The following TRIM33 variants were observed in gnomAD, a reference collection of about 807,000 sequenced individuals.
The protein encoded by TRIM33 is tripartite motif containing 33.
In TRIM33, 20 loss-of-function variants were observed where a neutral mutation model predicts 125.4. The observed-to-expected ratio is 0.16, with a 90% CI of 0.11 to 0.23. The LOEUF (loss-of-function observed/expected upper bound fraction) is 0.23. TRIM33 is among the 10% of genes least tolerant of loss of function. The pLI is 1.00. For missense variants in TRIM33, 920 were observed against 1,411.4 expected, an observed-to-expected ratio of 0.65 and a Z score of 5.58; for synonymous variants, 564 against 513.9, an observed-to-expected ratio of 1.10 and a Z score of -1.32.
chr1:114,449,864 C>T lies in TRIM33; in HGVS notation c.923+13240G>A, dbSNP rs1258126205. ...ATGGTTCCATTTTTTTCCTGGAGACCTTCTTCACAGGATCCTCAGTTTTCA... is the reference window on the plus strand; with the variant it reads ...ATGGTTCCATTTTTTTCCTGGAGACTTTCTTCACAGGATCCTCAGTTTTCA... On this transcript the variant is annotated intron_variant, in intron 4 of 19. Coordinates refer to ENST00000358465, the MANE Select transcript of TRIM33 (RefSeq NM_015906.4). Among the ~76,000 whole-genome samples, 14 of 152,016 alleles carry T rather than the reference C, an allele frequency of 9.2e-5. 1 individual carries two copies. The highest frequency in any genetic ancestry group is 9.2e-4 in the Admixed American group (14 of 15,256).
At chr1:114,406,819 C>T in intron 14 of TRIM33, 122 bp downstream of exon 14, 1 of 944,548 alleles carries the variant, frequency 1.1e-6, no homozygotes, top group Non-Finnish European at 1.5e-6. Flanking sequence ...TGGCTTGTGC[C>T]AGGCATGAAA....
At chr1:114,508,062 A>C (rs1653107852) in intron 1 of TRIM33, among the ~76,000 whole-genome samples, 1 of 152,182 alleles carries the variant, frequency 6.6e-6, no homozygotes, top group Admixed American at 6.5e-5. Context: ...GGCTGCAGTA[A>C]GCCGAGATCG....
At chr1:114,468,689 G>A in intron 1 of TRIM33, 1 of 442,762 alleles carries the variant, frequency 2.3e-6, no homozygotes, top group South Asian at 1.7e-5. Context: ...GCAATAAAAA[G>A]AAGAAAAAGA....
chr1:114,411,185 C>T (rs1036684168), intron 11 of TRIM33, among the ~76,000 whole-genome samples: 1 of 152,058 alleles, frequency 6.6e-6, no homozygotes, highest in African/African-American at 2.4e-5. Flanking sequence ...GGACTACAGG[C>T]ATGCGCCACA....
intron 9 of TRIM33, among the ~76,000 whole-genome samples, chr1:114,425,096 G>C (rs1304755754): frequency 1.3e-5 from 2 of 152,152 alleles, no homozygotes; most frequent in Non-Finnish European, 2.9e-5. Flanking sequence ...GTATAGGAAA[G>C]ATCTGAACAA....
chr1:114,409,301 T>C (rs945672697), intron 12 of TRIM33, among the ~76,000 whole-genome samples: 1 of 152,164 alleles, frequency 6.6e-6, no homozygotes, highest in African/African-American at 2.4e-5. Context: ...AGAGTCCCAA[T>C]TGAATCACTG....
chr1:114,436,536 G>A (rs1437099285), intron 4 of TRIM33, among the ~76,000 whole-genome samples: 1 of 151,920 alleles, frequency 6.6e-6, no homozygotes, highest in African/African-American at 2.4e-5. Flanking sequence ...CGCAATCTCA[G>A]CTCACTGCAA....
intron 1 of TRIM33, 95 bp downstream of exon 1, chr1:114,510,456 C>T: frequency 1.6e-6 from 2 of 1,226,820 alleles, no homozygotes; most frequent in South Asian, 3.7e-5. Context: ...GGCGCCCGTC[C>T]GAGCAGCCCC....
intron 4 of TRIM33, among the ~76,000 whole-genome samples, chr1:114,446,724 A>T (rs1029574952): frequency 3.3e-5 from 5 of 152,214 alleles, no homozygotes; most frequent in African/African-American, 1.2e-4. Flanking sequence ...ATCACAAGTT[A>T]TATTAAATAT....
chr1:114,471,943 A>C (rs77945683), intron 1 of TRIM33, among the ~76,000 whole-genome samples: 4,017 of 152,320 alleles, frequency 0.026, 94 homozygotes, highest in Non-Finnish European at 0.034. Context: ...TTTAGTGAAA[A>C]AAACCTGACC....
intron 1 of TRIM33, chr1:114,469,094 GAA>G (rs1487785999): frequency 8.6e-6 from 2 of 233,012 alleles, no homozygotes; most frequent in Non-Finnish European, 1.7e-5. Flanking sequence ...AACAGAAACA[GAA>G]AAAGTCTTCA....
intron 4 of TRIM33, among the ~76,000 whole-genome samples, chr1:114,434,229 C>T (rs1648141082): frequency 6.6e-6 from 1 of 152,176 alleles, no homozygotes; most frequent in Non-Finnish European, 1.5e-5. Context: ...TGGTCTCAAA[C>T]TCTTGGTCTC....
Position 114,393,358 on chromosome 1 carries a change from A to G in TRIM33, c.*4290T>C, listed in dbSNP as rs1651379817. On this transcript the variant is annotated 3_prime_UTR_variant, in exon 20 of 20. Coordinates refer to ENST00000358465, the MANE Select transcript of TRIM33 (RefSeq NM_015906.4). ...GACATGCATTCCATCCTTAAGATTGAAATTTAGGCCACACTTGAAAGGGAA... is the reference window on the plus strand; with the variant it reads ...GACATGCATTCCATCCTTAAGATTGGAATTTAGGCCACACTTGAAAGGGAA... 1 of 200,176 alleles carries G rather than the reference A, an allele frequency of 5.0e-6. No individual in the cohort carries two copies. The highest frequency in any genetic ancestry group is 1.0e-5 in the Non-Finnish European group (1 of 97,114). The allele number at this position is 200,176 out of a possible 1,614,324, so 12.4% of individuals were successfully genotyped here.
intron 4 of TRIM33, among the ~76,000 whole-genome samples, chr1:114,458,337 T>C (rs1376909897): frequency 2.6e-5 from 4 of 152,180 alleles, no homozygotes; most frequent in East Asian, 1.9e-4. Flanking sequence ...ACTTCCCCTA[T>C]AGATAAGATC....
chr1:114,496,775 C>T (rs1335741266), intron 1 of TRIM33, among the ~76,000 whole-genome samples: 2 of 152,208 alleles, frequency 1.3e-5, no homozygotes, highest in Non-Finnish European at 2.9e-5. Flanking sequence ...TCAAAAACTT[C>T]CCATGTTTGA....
intron 14 of TRIM33, among the ~76,000 whole-genome samples, 177 bp from the exon 15 acceptor site, chr1:114,405,936 T>C (rs1295346022): frequency 2.0e-5 from 3 of 152,192 alleles, no homozygotes; most frequent in Non-Finnish European, 4.4e-5. Context: ...TCAGGCACGC[T>C]AACATATGAT....
intron 4 of TRIM33, among the ~76,000 whole-genome samples, chr1:114,459,706 C>A (rs953088913): frequency 2.1e-5 from 3 of 144,740 alleles, no homozygotes; most frequent in Non-Finnish European, 3.0e-5. Context: ...GAGCTTGAGT[C>A]CAGCCTGAGC....
At chr1:114,482,942 A>T (rs1264609482) in intron 1 of TRIM33, among the ~76,000 whole-genome samples, 3 of 152,232 alleles carry the variant, frequency 2.0e-5, no homozygotes, top group African/African-American at 7.2e-5. Flanking sequence ...GTATGTCTTT[A>T]TAGCAGTGTC....
intron 11 of TRIM33, among the ~76,000 whole-genome samples, chr1:114,416,003 T>TC (rs1469403909): frequency 1.3e-5 from 2 of 150,004 alleles, no homozygotes; most frequent in Non-Finnish European, 3.0e-5. Context: ...GAAAACTGTC[T>TC]CCCTATTATA....
Sources: gnomAD v4.1 joint callset for allele counts (sites outside exome capture counted in the v4.1 genomes callset) on GRCh38, gnomAD v4.1.1 for gene constraint, MANE v1.5 for transcripts, NCBI Gene and HGNC (gene_info 2026-07-23, HGNC 2026-07-21) for gene names.